Variants in VGLL4 observed in about 807,000 individuals in gnomAD.
The protein encoded by VGLL4 is transcription cofactor vestigial-like protein 4.
VGLL4 carries 7 observed loss-of-function variants against 21.0 expected under a neutral mutation model. The ratio of observed to expected loss-of-function variants is 0.33; its 90% CI spans 0.19 to 0.63. VGLL4 has a LOEUF of 0.63. Ranked by LOEUF, VGLL4 falls within the 20% of genes least tolerant of loss-of-function variation. The pLI is 0.78. For synonymous variants in VGLL4, 222 were observed against 173.2 expected (o/e 1.28, Z -2.21); for missense variants, 394 against 425.7 (o/e 0.93, Z 0.66).
chr3:11,621,674 T>G (rs1389300883), intron 1 of VGLL4, among the ~76,000 whole-genome samples: 4 of 152,246 alleles, frequency 2.6e-5, no homozygotes, highest in Non-Finnish European at 1.5e-5. Context: ...TTCTCCAGTA[T>G]GTACCTAGGA....
chr3:11,636,328 T>C (rs1255301869), intron 1 of VGLL4, among the ~76,000 whole-genome samples: 1 of 152,152 alleles, frequency 6.6e-6, no homozygotes, highest in African/African-American at 2.4e-5. Context: ...ATCAAATCAT[T>C]AGCCAAGAAG....
At chr3:11,646,022 TG>T (rs745815067), upstream of VGLL4, among the ~76,000 whole-genome samples, 12 of 152,184 alleles carry the variant, frequency 7.9e-5, no homozygotes, top group Non-Finnish European at 1.3e-4. Context: ...TACTAAATAC[TG>T]TTGCCGTCAT....
intron 2 of VGLL4, among the ~76,000 whole-genome samples, chr3:11,686,054 G>A (rs2076442886): frequency 6.6e-6 from 1 of 152,206 alleles, no homozygotes; most frequent in African/African-American, 2.4e-5. Flanking sequence ...TGGTGAGGAT[G>A]TGGAGAAATT....
upstream of VGLL4, among the ~76,000 whole-genome samples, chr3:11,645,783 C>T (rs900477942): frequency 2.0e-5 from 3 of 151,650 alleles, no homozygotes; most frequent in Non-Finnish European, 2.9e-5. Flanking sequence ...AACAGTCTGG[C>T]CAACATGGTG....
chr3:11,604,618 G>A, intron 1 of VGLL4: 1 of 803,500 alleles, frequency 1.2e-6, no homozygotes, highest in Non-Finnish European at 1.5e-6. Flanking sequence ...TGTTCTGGGA[G>A]ATAAGACACT....
intron 2 of VGLL4, among the ~76,000 whole-genome samples, chr3:11,573,277 A>G (rs192492876): frequency 0.38 from 8,843 of 23,372 alleles, 1,367 homozygotes; most frequent in South Asian, 0.56. Flanking sequence ...GAAAGAAAGA[A>G]AGAAAGAAAG....
intron 2 of VGLL4, among the ~76,000 whole-genome samples, chr3:11,675,422 A>G (rs934941442): frequency 1.2e-4 from 18 of 152,208 alleles, no homozygotes; most frequent in African/African-American, 4.3e-4. Flanking sequence ...TGTGCTTACT[A>G]CATTCAGGGG....
intron 1 of VGLL4, among the ~76,000 whole-genome samples, chr3:11,614,373 C>T (rs57564733): frequency 0.021 from 3,213 of 152,350 alleles, 105 homozygotes; most frequent in African/African-American, 0.072. Flanking sequence ...TACCGCCAAA[C>T]AGGCGATCTT....
At chr3:11,606,060 T>C (rs147521270) in intron 1 of VGLL4, among the ~76,000 whole-genome samples, 2 of 152,180 alleles carry the variant, frequency 1.3e-5, no homozygotes, top group Non-Finnish European at 2.9e-5. Flanking sequence ...GGATTCATAG[T>C]TCCACATGCC....
At chr3:11,639,033 G>C (rs1244107621) in intron 1 of VGLL4, among the ~76,000 whole-genome samples, 1 of 152,194 alleles carries the variant, frequency 6.6e-6, no homozygotes, top group Non-Finnish European at 1.5e-5. Context: ...ACTATGCAAT[G>C]TATTCCTACT....
chr3:11,636,493 T>C (rs73814960), intron 1 of VGLL4, among the ~76,000 whole-genome samples: 322 of 152,322 alleles, frequency 2.1e-3, no homozygotes, highest in African/African-American at 7.2e-3. Flanking sequence ...CTCTATACAA[T>C]ATAGGGTATT....
chr3:11,589,429 A>T (rs1430460642), intron 2 of VGLL4, among the ~76,000 whole-genome samples: 1 of 152,192 alleles, frequency 6.6e-6, no homozygotes, highest in African/African-American at 2.4e-5. Context: ...TCACGGAATT[A>T]AACACCATTT....
intron 2 of VGLL4, among the ~76,000 whole-genome samples, chr3:11,676,699 GTGT>G (rs1332510707): frequency 1.3e-5 from 2 of 151,850 alleles, no homozygotes; most frequent in Non-Finnish European, 2.9e-5. Flanking sequence ...CATCTAAGAA[GTGT>G]TGTTATTTTA....
chr3:11,679,062 C>A (rs1377324901), intron 2 of VGLL4, among the ~76,000 whole-genome samples: 1 of 152,140 alleles, frequency 6.6e-6, no homozygotes, highest in South Asian at 2.1e-4. Flanking sequence ...GAATAAATGA[C>A]CCTGTTATTG....
chr3:11,638,436 G>A (rs2075628688), intron 1 of VGLL4, among the ~76,000 whole-genome samples: 1 of 152,064 alleles, frequency 6.6e-6, no homozygotes, highest in Non-Finnish European at 1.5e-5. Context: ...GTAATTAGGA[G>A]AAAGACACCA....
chr3:11,721,031 C>T (rs2076989198), upstream of VGLL4, among the ~76,000 whole-genome samples: 1 of 152,210 alleles, frequency 6.6e-6, no homozygotes, highest in Non-Finnish European at 1.5e-5. Context: ...TAAATAGAGA[C>T]TGGACTTCCT....
intron 2 of VGLL4, among the ~76,000 whole-genome samples, chr3:11,592,944 G>A (rs1317548829): frequency 2.0e-5 from 3 of 152,184 alleles, no homozygotes; most frequent in African/African-American, 7.2e-5. Context: ...CAATTCTCTG[G>A]ATGCTGAGAA....
intron 2 of VGLL4, 99 bp downstream of exon 2, chr3:11,601,734 G>T: frequency 7.6e-7 from 1 of 1,316,274 alleles, no homozygotes; most frequent in African/African-American, 1.5e-5. Context: ...TTCAAATAAA[G>T]TATGCAAATG....
intron 1 of VGLL4, among the ~76,000 whole-genome samples, chr3:11,620,337 G>C (rs940558981): frequency 6.6e-6 from 1 of 152,128 alleles, no homozygotes; most frequent in African/African-American, 2.4e-5. Context: ...GGGTCAGCAG[G>C]AGTGGCCCAG....
Sources: allele counts gnomAD v4.1 joint callset (sites outside exome capture counted in the v4.1 genomes callset), GRCh38; gene constraint gnomAD v4.1.1; transcripts MANE v1.5; gene names NCBI Gene and HGNC (gene_info 2026-07-23, HGNC 2026-07-21).